Variants in BLMH observed in about 807,000 individuals in gnomAD.
The protein encoded by BLMH is bleomycin hydrolase, also known as BLM hydrolase.
Under a neutral mutation model 61.6 loss-of-function variants are expected in BLMH, and 32 were observed. That is an observed-to-expected ratio of 0.52 (90% confidence interval 0.39 to 0.70). BLMH has a LOEUF of 0.70. Ranked by LOEUF, BLMH falls within the 30% of genes least tolerant of loss-of-function variation. BLMH has a pLI of 0.00. For missense variants in BLMH, 460 were observed against 555.5 expected (o/e 0.83, Z 1.73); for synonymous variants, 183 against 193.8 (o/e 0.94, Z 0.46).
rs768181553 is a variant in BLMH at position 30,291,528 on chromosome 17, G to A, written c.14-20C>T. 5.6e-6 allele frequency: 9 copies of A among 1,610,412 alleles called. No homozygotes were observed. In the East Asian group the frequency reaches 6.7e-5, roughly 12 times the overall value. ...TCAGTCCTGTTGGGAGACCAAACAGGATTTTAACGCAAAAAGAGGGGGAAA... is the reference window on the plus strand; with the variant it reads ...TCAGTCCTGTTGGGAGACCAAACAGAATTTTAACGCAAAAAGAGGGGGAAA... On this transcript the variant is annotated intron_variant, in intron 1 of 11. Coordinates refer to ENST00000261714, the MANE Select transcript of BLMH (RefSeq NM_000386.4).
chr17:30,265,829 C>A (rs1419188667), intron 11 of BLMH, among the ~76,000 whole-genome samples: 1 of 152,114 alleles, frequency 6.6e-6, no homozygotes, highest in African/African-American at 2.4e-5. Context: ...TGGTTTGGAA[C>A]CCTAAAAATT....
At chr17:30,268,743 A>AACAG (rs1908179922) in intron 10 of BLMH, among the ~76,000 whole-genome samples, 1 of 152,038 alleles carries the variant, frequency 6.6e-6, no homozygotes, top group Non-Finnish European at 1.5e-5. Flanking sequence ...CAAACAAACA[A>AACAG]AACAAATTCT....
chr17:30,290,299 A>G (rs2143060133), intron 2 of BLMH, among the ~76,000 whole-genome samples: 1 of 152,356 alleles, frequency 6.6e-6, no homozygotes, highest in East Asian at 1.9e-4. Flanking sequence ...GACACTGCAA[A>G]ATGTGTAAGA....
At chr17:30,261,072 T>C (rs1244316285) in intron 11 of BLMH, among the ~76,000 whole-genome samples, 1 of 152,196 alleles carries the variant, frequency 6.6e-6, no homozygotes, top group African/African-American at 2.4e-5. Context: ...TCACTCTTGT[T>C]TCAGCAAGTC....
At position 30,249,067 on chromosome 17, in the gene BLMH, C is replaced by T. The variant is rs148225971; in HGVS notation, c.1318G>A (p.Glu440Lys). 2.7e-5 allele frequency: 43 copies of T among 1,613,996 alleles called. No individual in the cohort carries two copies. The highest frequency in any genetic ancestry group is 3.6e-5 in the Non-Finnish European group (43 of 1,179,984). Residue 440 changes from glutamate to lysine, a missense_variant, in exon 12 of 12, where the codon GAA (glutamate) becomes AAA (lysine). Glu to Lys is a moderately conservative substitution (Grantham distance 56). Around this residue, in one of 5 missense-constraint regions of BLMH, gnomAD observed 310 missense variants for 371.1 expected, o/e 0.84. Coordinates refer to ENST00000261714, the MANE Select transcript of BLMH (RefSeq NM_000386.4). The stretch of plus-strand genomic sequence containing the variant: ...TCCCATGCTGGCAGGATAATGGGTT[C>T]CTGCTCTAACACAGCTAGCACCTCT... ...PEEVLAVLEQ[E>K]PIILPAWDPM...
chr17:30,270,270 C>A (rs1323380203), intron 10 of BLMH, among the ~76,000 whole-genome samples: 1 of 152,088 alleles, frequency 6.6e-6, no homozygotes, highest in African/African-American at 2.4e-5. Context: ...GAAGCTGAGG[C>A]GGGCAGATCA....
chr17:30,267,386 A>C (rs1201038092), intron 10 of BLMH, among the ~76,000 whole-genome samples: 1 of 152,192 alleles, frequency 6.6e-6, no homozygotes, highest in African/African-American at 2.4e-5. Context: ...TATTTTAGGA[A>C]TAATTCTAAA....
rs1024242693 is a variant in BLMH at position 30,248,823 on chromosome 17, C to CT, written c.*193dup. The stretch of plus-strand genomic sequence containing the variant: ...ATAGTATGACCTGATCTTCCCCCCT[C>CT]TTTTTTTTCCTTTAACAGTATTCTG... On this transcript the variant is annotated 3_prime_UTR_variant, in exon 12 of 12. Transcript: ENST00000261714. The CT allele has an allele frequency of 1.3e-4, 77 of 613,814 alleles. 1 individual carries two copies. The highest frequency in any genetic ancestry group is 3.7e-4 in the South Asian group (16 of 42,798). The allele number at this position is 613,814 out of a possible 1,614,324, so 38.0% of individuals were successfully genotyped here.
In BLMH at chr17:30,248,883, TG is replaced by T; in HGVS notation, c.*133del. On this transcript the variant is annotated 3_prime_UTR_variant, in exon 12 of 12. Coordinates refer to ENST00000261714, the MANE Select transcript of BLMH (RefSeq NM_000386.4). Reference sequence around the variant, plus strand: ...AAAGCACACTTTCTGAAGAGGTTCCTGGTGGAGACTGGAAATCTGACTGTGT... The same window carrying T: ...AAAGCACACTTTCTGAAGAGGTTCCTGTGGAGACTGGAAATCTGACTGTGT... 2 of 1,126,824 alleles carry T rather than the reference TG, an allele frequency of 1.8e-6. No individual in the cohort carries two copies. Among genetic ancestry groups the T allele is most frequent in the South Asian group, 1.5e-5 (1 of 65,336 alleles). The allele number at this position is 1,126,824 out of a possible 1,614,324, so 69.8% of individuals were successfully genotyped here.
intron 9 of BLMH, among the ~76,000 whole-genome samples, chr17:30,271,976 CTTTT>C (rs1000408608): frequency 6.6e-6 from 1 of 151,926 alleles, no homozygotes; most frequent in African/African-American, 2.4e-5. Flanking sequence ...CTCATTAATT[CTTTT>C]TTTTAGCAGA....
rs1484575891 is a variant in BLMH at position 30,287,801 on chromosome 17, T to G, written c.463+5A>C. On this transcript the variant is annotated splice_donor_5th_base_variant and intron_variant, in intron 4 of 11. Transcript: ENST00000261714. The stretch of plus-strand genomic sequence containing the variant: ...TTTCAGTTCCATTAAAGAAAGAACT[T>G]TTACCAACAATATTAACAAGCATAT... 1 of 1,613,298 alleles carries G rather than the reference T, an allele frequency of 6.2e-7. No individual in the cohort carries two copies. The highest frequency in any genetic ancestry group is 1.7e-5 in the Admixed American group (1 of 59,890).
At chr17:30,270,501 CAAAAA>C (rs5819891) in intron 10 of BLMH, among the ~76,000 whole-genome samples, 1 of 72,154 alleles carries the variant, frequency 1.4e-5, no homozygotes, top group African/African-American at 4.2e-5. Context: ...GACTCCATCT[CAAAAA>C]AAAAAAAAAA....
At chr17:30,257,571 T>C (rs573005566) in intron 11 of BLMH, among the ~76,000 whole-genome samples, 55 of 152,198 alleles carry the variant, frequency 3.6e-4, no homozygotes, top group Non-Finnish European at 6.8e-4. Context: ...TATTTTGATT[T>C]TGGAACAATG....
intron 6 of BLMH, among the ~76,000 whole-genome samples, chr17:30,277,458 T>A (rs1450455597): frequency 6.6e-6 from 1 of 152,226 alleles, no homozygotes; most frequent in African/African-American, 2.4e-5. Context: ...ATACTTAGAT[T>A]AGAAAGGTTT....
intron 3 of BLMH, chr17:30,288,190 T>C (rs1908784962): frequency 2.7e-6 from 1 of 365,722 alleles, no homozygotes. Flanking sequence ...TAATAAGTAT[T>C]TTTAAACTAA....
intron 10 of BLMH, among the ~76,000 whole-genome samples, chr17:30,267,687 C>T (rs1486350491): frequency 6.6e-6 from 1 of 152,218 alleles, no homozygotes; most frequent in African/African-American, 2.4e-5. Flanking sequence ...CAACAACCTT[C>T]ATTTACAGCC....
At chr17:30,274,584 C>T (rs1394109069) in intron 6 of BLMH, among the ~76,000 whole-genome samples, 1 of 152,108 alleles carries the variant, frequency 6.6e-6, no homozygotes, top group African/African-American at 2.4e-5. Context: ...ATTTCCTTCC[C>T]TTTATACATT....
chr17:30,279,525 A>G (rs546611929), intron 6 of BLMH, among the ~76,000 whole-genome samples: 31 of 152,370 alleles, frequency 2.0e-4, no homozygotes, highest in Non-Finnish European at 4.0e-4. Flanking sequence ...AGCTGGTGCC[A>G]GAAAGGTCCA....
intron 3 of BLMH, 174 bp from the exon 4 acceptor site, chr17:30,288,121 A>G (rs1597668517): frequency 1.7e-6 from 1 of 598,496 alleles, no homozygotes; most frequent in East Asian, 3.3e-5. Context: ...TACAGAGGCC[A>G]TGCTAATCTT....
Sources: allele counts gnomAD v4.1 joint callset (sites outside exome capture counted in the v4.1 genomes callset), GRCh38; gene constraint gnomAD v4.1.1; regional missense constraint gnomAD v4.1.1; transcripts MANE v1.5; gene names NCBI Gene and HGNC (gene_info 2026-07-23, HGNC 2026-07-21).